RARB: variants seen among roughly 807,000 people sequenced by gnomAD.
RARB encodes HBV-activated protein.
A neutral mutation model predicts 51.9 loss-of-function variants in RARB; 17 were observed. The ratio of observed to expected loss-of-function variants is 0.33; its 90% confidence interval spans 0.22 to 0.49. The LOEUF is 0.49. Ranked by LOEUF, RARB falls within the 20% of genes least tolerant of loss-of-function variation. The pLI is 0.99. For missense variants in RARB, 369 were observed against 550.8 expected (o/e 0.67, Z 3.30); for synonymous variants, 215 against 195.4 (o/e 1.10, Z -0.84).
intron 5 of RARB, among the ~76,000 whole-genome samples, chr3:25,397,578 C>A (rs1236686383): frequency 6.6e-6 from 1 of 152,156 alleles, no homozygotes; most frequent in Non-Finnish European, 1.5e-5. Flanking sequence ...TGAAACCTCT[C>A]GATAATAATT....
At chr3:24,938,335 A>G (rs1405866440) in intron 2 of RARB, among the ~76,000 whole-genome samples, 2 of 152,168 alleles carry the variant, frequency 1.3e-5, no homozygotes, top group Admixed American at 6.5e-5. Context: ...AGTTTGTTAG[A>G]GAACCGTATG....
chr3:25,386,507 T>G (rs143551635), intron 5 of RARB, among the ~76,000 whole-genome samples: 61 of 152,340 alleles, frequency 4.0e-4, no homozygotes, highest in African/African-American at 1.5e-3. Context: ...GGGCAAAGAC[T>G]GAAGTCACAA....
chr3:25,577,094 C>T (rs1265749621), intron 4 of RARB, among the ~76,000 whole-genome samples: 1 of 152,156 alleles, frequency 6.6e-6, no homozygotes, highest in Non-Finnish European at 1.5e-5. Flanking sequence ...AAGTTCTAAC[C>T]AGAAAGTAGA....
chr3:25,310,824 C>T (rs1031248779), intron 5 of RARB, among the ~76,000 whole-genome samples: 2 of 152,122 alleles, frequency 1.3e-5, no homozygotes, highest in African/African-American at 4.8e-5. Flanking sequence ...AGGCAGTGCC[C>T]GTGTCAGTGT....
intron 2 of RARB, among the ~76,000 whole-genome samples, chr3:24,969,661 A>C (rs1020675109): frequency 2.0e-5 from 3 of 152,128 alleles, no homozygotes; most frequent in African/African-American, 7.2e-5. Context: ...AAGAAGGAGA[A>C]GAGAGCTAGA....
At chr3:25,130,822 T>C (rs1699933279) in intron 3 of RARB, among the ~76,000 whole-genome samples, 1 of 151,136 alleles carries the variant, frequency 6.6e-6, no homozygotes, top group Admixed American at 6.6e-5. Flanking sequence ...TTTGAATTAA[T>C]GAATTGTTCA....
intron 2 of RARB, among the ~76,000 whole-genome samples, chr3:25,016,747 C>A (rs930854423): frequency 6.6e-6 from 1 of 152,050 alleles, no homozygotes; most frequent in African/African-American, 2.4e-5. Context: ...ATATGCCAAG[C>A]CACAGAGACA....
chr3:25,302,650 G>A (rs1165463457), intron 5 of RARB, among the ~76,000 whole-genome samples: 1 of 152,180 alleles, frequency 6.6e-6, no homozygotes, highest in Non-Finnish European at 1.5e-5. Context: ...TTCTTTGGGA[G>A]ATAATGAAAA....
At chr3:25,146,807 C>T (rs1175815544) in intron 4 of RARB, among the ~76,000 whole-genome samples, 5 of 152,132 alleles carry the variant, frequency 3.3e-5, no homozygotes, top group African/African-American at 1.2e-4. Context: ...GCATGAGCCA[C>T]GGCGCCCGGC....
chr3:25,195,539 C>A (rs917836803), intron 5 of RARB, among the ~76,000 whole-genome samples: 1 of 151,980 alleles, frequency 6.6e-6, no homozygotes, highest in African/African-American at 2.4e-5. Context: ...ACATCTTATT[C>A]CTTTAACTAC....
At chr3:24,944,277 T>A (rs972398462) in intron 2 of RARB, among the ~76,000 whole-genome samples, 1 of 152,222 alleles carries the variant, frequency 6.6e-6, no homozygotes, top group Non-Finnish European at 1.5e-5. Context: ...CTTGGGGATG[T>A]AAATTCTGCC....
At chr3:25,257,904 G>A (rs1702905731) in intron 5 of RARB, among the ~76,000 whole-genome samples, 1 of 152,088 alleles carries the variant, frequency 6.6e-6, no homozygotes, top group Non-Finnish European at 1.5e-5. Flanking sequence ...CACAAATCAT[G>A]TGTCTACTCA....
At chr3:25,054,821 T>C (rs1391812680) in intron 2 of RARB, among the ~76,000 whole-genome samples, 1 of 152,192 alleles carries the variant, frequency 6.6e-6, no homozygotes, top group Non-Finnish European at 1.5e-5. Context: ...ACTAGCAATA[T>C]ATTGAAGGCC....
rs575531474 is a variant in RARB at position 25,182,179 on chromosome 3, T to C, written c.178+7604T>C. The stretch of plus-strand genomic sequence containing the variant: ...CATTGGTTCCAAAGGGTTGAGAATC[T>C]TTGGAATGAATGAGTGAATGAATGA... On this transcript the variant is annotated intron_variant, in intron 5 of 11. Coordinates refer to the RARB transcript ENST00000383772. Among the ~76,000 whole-genome samples the C allele has an allele frequency of 5.1e-4, 78 of 152,250 alleles. 2 individuals carry two copies. In the South Asian group the frequency reaches 0.016, roughly 31 times the overall value.
chr3:25,163,858 G>A (rs146533456), intron 4 of RARB, among the ~76,000 whole-genome samples: 8 of 152,298 alleles, frequency 5.3e-5, no homozygotes, highest in Admixed American at 4.6e-4. Context: ...GGTAAAGGTA[G>A]TGGGGAATGA....
intron 5 of RARB, among the ~76,000 whole-genome samples, chr3:25,241,527 C>G (rs916559242): frequency 6.6e-6 from 1 of 152,142 alleles, no homozygotes; most frequent in Non-Finnish European, 1.5e-5. Flanking sequence ...CGTATTTTCT[C>G]ATTGTTCAAC....
intron 4 of RARB, among the ~76,000 whole-genome samples, chr3:25,158,469 A>T (rs919199291): frequency 6.6e-6 from 1 of 152,200 alleles, no homozygotes; most frequent in Non-Finnish European, 1.5e-5. Flanking sequence ...ACTAATTATC[A>T]GATTGTCATT....
chr3:25,564,661 G>A (rs150477142), intron 3 of RARB, among the ~76,000 whole-genome samples: 96 of 152,246 alleles, frequency 6.3e-4, no homozygotes, highest in Non-Finnish European at 1.1e-3. Flanking sequence ...TCTGTGGGTC[G>A]GATCTTGTAT....
At chr3:25,465,175 A>G (rs911055658) in intron 2 of RARB, among the ~76,000 whole-genome samples, 19 of 152,310 alleles carry the variant, frequency 1.2e-4, no homozygotes, top group African/African-American at 4.6e-4. Flanking sequence ...AGTAGTCTGT[A>G]AAAAGTAAAT....
Sources: gnomAD v4.1 joint callset for allele counts (sites outside exome capture counted in the v4.1 genomes callset) on GRCh38, gnomAD v4.1.1 for gene constraint, MANE v1.5 for transcripts, NCBI Gene and HGNC (gene_info 2026-07-23, HGNC 2026-07-21) for gene names.